Variants in SPATA13 observed in about 807,000 individuals in gnomAD.
SPATA13 encodes the protein spermatogenesis associated 13.
In SPATA13, 50 loss-of-function variants were observed where a neutral mutation model predicts 104.0. That is an observed-to-expected ratio of 0.48 (90% CI 0.38 to 0.61). The LOEUF (loss-of-function observed/expected upper bound fraction) is 0.61. SPATA13 is among the 20% of genes least tolerant of loss of function. SPATA13 has a pLI of 0.00. For missense variants in SPATA13, 1,524 were observed against 1,690.6 expected (o/e 0.90, Z 1.73); for synonymous variants, 606 against 667.5 (o/e 0.91, Z 1.42).
At chr13:24,032,633 A>T (rs1040490643) in intron 3 of SPATA13, among the ~76,000 whole-genome samples, 7 of 152,224 alleles carry the variant, frequency 4.6e-5, no homozygotes, top group African/African-American at 1.7e-4. Context: ...TTTGGTTGAA[A>T]ATAAGGCATT....
intron 3 of SPATA13, among the ~76,000 whole-genome samples, chr13:24,067,458 C>T (rs535446791): frequency 2.0e-5 from 3 of 152,182 alleles, no homozygotes; most frequent in South Asian, 2.1e-4. Context: ...ACTACTTTTC[C>T]ATCAAATACC....
intron 3 of SPATA13, among the ~76,000 whole-genome samples, chr13:24,089,345 G>A (rs1187833751): frequency 6.6e-6 from 1 of 152,212 alleles, no homozygotes; most frequent in African/African-American, 2.4e-5. Flanking sequence ...TCTCACAACA[G>A]CTCGGTTGTG....
intron 1 of SPATA13, among the ~76,000 whole-genome samples, chr13:24,211,511 C>T (rs1032852558): frequency 6.6e-6 from 1 of 152,034 alleles, no homozygotes; most frequent in African/African-American, 2.4e-5. Flanking sequence ...TGAGATAGTC[C>T]TATGATTTTT....
At chr13:24,035,500 TG>T (rs933059850) in intron 3 of SPATA13, among the ~76,000 whole-genome samples, 1 of 152,186 alleles carries the variant, frequency 6.6e-6, no homozygotes, top group African/African-American at 2.4e-5. Flanking sequence ...CATGGAGACT[TG>T]GAACAGAATG....
chr13:24,124,131 C>A (rs998283817), intron 3 of SPATA13, among the ~76,000 whole-genome samples: 1 of 152,126 alleles, frequency 6.6e-6, no homozygotes, highest in Non-Finnish European at 1.5e-5. Context: ...AAGCACCCAG[C>A]AACATACAAA....
chr13:24,024,667 GT>G (rs2137705537), intron 3 of SPATA13, among the ~76,000 whole-genome samples: 1 of 123,142 alleles, frequency 8.1e-6, no homozygotes, highest in Admixed American at 8.1e-5. Context: ...TAAACATTTT[GT>G]TAATATTTGA....
chr13:24,272,390 A>C (rs990411604), intron 4 of SPATA13, among the ~76,000 whole-genome samples: 1 of 152,234 alleles, frequency 6.6e-6, no homozygotes, highest in Admixed American at 6.5e-5. Flanking sequence ...GGGTCAGTGC[A>C]CTGCGGAAAC....
At chr13:24,031,871 G>A (rs1475960652) in intron 3 of SPATA13, among the ~76,000 whole-genome samples, 3 of 152,136 alleles carry the variant, frequency 2.0e-5, no homozygotes, top group Non-Finnish European at 4.4e-5. Flanking sequence ...ATATTTACAA[G>A]CTATCACATT....
At chr13:24,116,680 T>G (rs893121896) in intron 3 of SPATA13, among the ~76,000 whole-genome samples, 1 of 152,092 alleles carries the variant, frequency 6.6e-6, no homozygotes, top group Non-Finnish European at 1.5e-5. Context: ...GATTTCAACC[T>G]AGGTCCAATC....
In SPATA13 at chr13:24,003,223, G is replaced by T. The variant is rs927095760; in HGVS notation, c.-146-14444G>T. The stretch of plus-strand genomic sequence containing the variant: ...TAGATGTACCTATAGATAGAAAGGG[G>T]AGTGCCTAGGCCAGATCACTCAGAG... On this transcript the variant is annotated intron_variant, in intron 2 of 14. Transcript: ENST00000424834. 1.3e-5 allele frequency among the ~76,000 whole-genome samples: 2 copies of T among 152,138 alleles called. 1 individual carries two copies. Among genetic ancestry groups the T allele is most frequent in the Admixed American group, 1.3e-4 (2 of 15,272 alleles).
intron 3 of SPATA13, among the ~76,000 whole-genome samples, chr13:24,129,401 G>A (rs945579677): frequency 2.0e-5 from 3 of 152,206 alleles, no homozygotes; most frequent in African/African-American, 4.8e-5. Flanking sequence ...CACAGAACAA[G>A]GCTTGTCCAG....
At chr13:24,027,119 AT>A (rs1258411837) in intron 3 of SPATA13, among the ~76,000 whole-genome samples, 2 of 117,584 alleles carry the variant, frequency 1.7e-5, no homozygotes, top group African/African-American at 6.4e-5. Flanking sequence ...TGTTCCTGAT[AT>A]TTTTTGTTTA....
At chr13:24,239,306 A>G (rs1385358976) in intron 2 of SPATA13, among the ~76,000 whole-genome samples, 1 of 152,192 alleles carries the variant, frequency 6.6e-6, no homozygotes, top group African/African-American at 2.4e-5. Flanking sequence ...TGAAATACTT[A>G]GTGGTCCTCT....
rs1871689253 is a variant in SPATA13 at position 24,223,015 on chromosome 13, C to T, written c.86C>T (p.Ala29Val). 6.4e-7 allele frequency: 1 copy of T among 1,551,330 alleles called. No individual in the cohort carries two copies. Among genetic ancestry groups the T allele is most frequent in the South Asian group, 1.2e-5 (1 of 84,048 alleles). ...APNGLGPGPA[A>V]PCAGSDLKDA... is the part of the protein sequence containing the mutation. ...AACGGCCTCGGGCCAGGCCCCGCAG[C>T]CCCCTGTGCAGGCTCGGACCTGAAA... The change falls in exon 2 of 13, where the codon GCC (alanine) becomes GTC (valine). Residue 29 changes from alanine to valine, a missense_variant. Ala to Val is a moderately conservative substitution (Grantham distance 64). This residue lies in a region of SPATA13 where 1,089 missense variants were observed against 1,135.9 expected (regional missense o/e 0.96). Transcript: ENST00000382108.
chr13:24,026,952 T>C (rs1877248701), intron 3 of SPATA13, among the ~76,000 whole-genome samples: 2 of 152,128 alleles, frequency 1.3e-5, no homozygotes, highest in Admixed American at 6.5e-5. Flanking sequence ...TCACTATCTT[T>C]AGTTTTTGAG....
intron 3 of SPATA13, among the ~76,000 whole-genome samples, chr13:24,118,916 T>C (rs7323092): frequency 8.6e-4 from 54 of 62,794 alleles, no homozygotes; most frequent in African/African-American, 1.0e-3. Context: ...CTTTTCTTTT[T>C]TTTTTTTGAG....
chr13:24,005,096 A>G (rs1876164519), intron 2 of SPATA13, among the ~76,000 whole-genome samples: 1 of 152,232 alleles, frequency 6.6e-6, no homozygotes, highest in South Asian at 2.1e-4. Flanking sequence ...CAAAGTAAGT[A>G]CTTTTCTGAG....
intron 3 of SPATA13, chr13:24,123,410 G>T: frequency 7.7e-7 from 1 of 1,290,720 alleles, no homozygotes; most frequent in Non-Finnish European, 1.1e-6. Flanking sequence ...TGCTGAAGAG[G>T]GGGAGTACAT....
chr13:24,054,600 A>G (rs1033207183), intron 3 of SPATA13, among the ~76,000 whole-genome samples: 1 of 152,234 alleles, frequency 6.6e-6, no homozygotes, highest in African/African-American at 2.4e-5. Flanking sequence ...CCAAAACACA[A>G]ACTCTAAGAA....
Sources: gnomAD v4.1 joint callset for allele counts (sites outside exome capture counted in the v4.1 genomes callset) on GRCh38, gnomAD v4.1.1 for gene constraint, gnomAD v4.1.1 regional missense constraint, MANE v1.5 for transcripts, NCBI Gene and HGNC (gene_info 2026-07-23, HGNC 2026-07-21) for gene names.